The following NF1 variants were observed in gnomAD, a reference collection of about 807,000 sequenced individuals.
NF1 encodes the protein neurofibromin.
Under a neutral mutation model 325.7 loss-of-function variants are expected in NF1, and 122 were observed. That is an observed-to-expected ratio of 0.37 (90% confidence interval 0.32 to 0.44). The LOEUF (loss-of-function observed/expected upper bound fraction) is 0.44, where lower values mean the gene tolerates loss of function less well. NF1 is among the 20% of genes least tolerant of loss of function. The pLI, the probability that NF1 is intolerant of heterozygous loss-of-function variation, is 1.00. For missense variants in NF1, 2,140 were observed against 3,415.4 expected (o/e 0.63, Z 9.31); for synonymous variants, 1,091 against 1,186.0 (o/e 0.92, Z 1.65).
At chr17:31,124,799 C>T (rs1194936969) in intron 1 of NF1, among the ~76,000 whole-genome samples, 1 of 151,236 alleles carries the variant, frequency 6.6e-6, no homozygotes, top group Non-Finnish European at 1.5e-5. Context: ...GGCGGTGTTT[C>T]ACTGTGTTAG....
chr17:31,169,656 C>T (rs1379838814), intron 4 of NF1, among the ~76,000 whole-genome samples: 3 of 152,050 alleles, frequency 2.0e-5, no homozygotes, highest in Non-Finnish European at 4.4e-5. Context: ...AGAGATCCTC[C>T]TCCCTTAGCC....
At chr17:31,126,591 G>A (rs1032710610) in intron 1 of NF1, among the ~76,000 whole-genome samples, 1 of 151,938 alleles carries the variant, frequency 6.6e-6, no homozygotes, top group African/African-American at 2.4e-5. Flanking sequence ...ACAGGTACGC[G>A]CCACTGTGCC....
At chr17:31,175,260 A>G (rs770250624) in intron 5 of NF1, among the ~76,000 whole-genome samples, 7 of 151,824 alleles carry the variant, frequency 4.6e-5, no homozygotes, top group Non-Finnish European at 1.0e-4. Flanking sequence ...GTAGAAGTAA[A>G]ACCACCAGAT....
intron 36 of NF1, among the ~76,000 whole-genome samples, chr17:31,275,777 T>C (rs780203341): frequency 1.3e-5 from 2 of 152,226 alleles, no homozygotes; most frequent in Non-Finnish European, 2.9e-5. Flanking sequence ...CTTTATACTT[T>C]GATCAGAGTC....
chr17:31,305,668 G>A (rs768495636), intron 36 of NF1: 2 of 1,529,522 alleles, frequency 1.3e-6, no homozygotes, highest in Non-Finnish European at 1.8e-6. Flanking sequence ...AGACAGTTAG[G>A]CGTCATTGGT....
chr17:31,320,479 A>G (rs201481725), intron 36 of NF1: 7 of 1,528,622 alleles, frequency 4.6e-6, no homozygotes, highest in Admixed American at 3.5e-5. Context: ...TTTATAAGAA[A>G]TGGTTGTTAT....
intron 23 of NF1, 130 bp from the exon 24 acceptor site, chr17:31,230,712 T>C (rs2067098536): frequency 2.6e-6 from 2 of 763,074 alleles, no homozygotes; most frequent in African/African-American, 3.5e-5. Context: ...GTATCTCTTT[T>C]ATAAAGTCGT....
chr17:31,218,951 ATC>A (rs770136299), intron 13 of NF1, 52 bp from the exon 14 acceptor site: 5 of 1,508,362 alleles, frequency 3.3e-6, no homozygotes, highest in Non-Finnish European at 4.5e-6. Context: ...CCTCCTTCTA[ATC>A]TCTCTCGATT....
rs876660271 is a variant in NF1, at chr17:31,343,104, T to C, written c.7158T>C (p.Phe2386=). Residue 2386 remains phenylalanine (F), a synonymous_variant, in exon 48 of 58, where the codon TTT becomes TTC. Coordinates refer to ENST00000358273, the MANE Select transcript of NF1 (RefSeq NM_001042492.3). ...HFVGLNFNSN[F]NFALVGHLLK... ...TTGGACTCAATTTCAACTCTAACTT[T>C]AACTTTGCATTGGTTGGACACCTTT... is the stretch of plus-strand genomic sequence containing the variant. The C allele has an allele frequency of 3.7e-6, 6 of 1,613,962 alleles. No individual in the cohort carries two copies. The highest frequency in any genetic ancestry group is 5.1e-6 in the Non-Finnish European group (6 of 1,179,832).
At chr17:31,362,683 T>C (rs2070426150) in intron 57 of NF1, among the ~76,000 whole-genome samples, 1 of 152,226 alleles carries the variant, frequency 6.6e-6, no homozygotes, top group Admixed American at 6.5e-5. Flanking sequence ...AAAGTCTGCT[T>C]CATCTTAACC....
chr17:31,340,191 C>G, intron 46 of NF1: 4 of 361,058 alleles, frequency 1.1e-5, no homozygotes, highest in Non-Finnish European at 2.1e-5. Context: ...ATGTCATTAG[C>G]AATAAGAAAG....
intron 36 of NF1, among the ~76,000 whole-genome samples, chr17:31,316,408 G>A (rs868086526): frequency 6.6e-6 from 1 of 152,200 alleles, no homozygotes; most frequent in Non-Finnish European, 1.5e-5. Context: ...AAGATAGTGA[G>A]TGGTGAATTT....
intron 36 of NF1, among the ~76,000 whole-genome samples, chr17:31,287,916 CT>C (rs1474937891): frequency 1.7e-5 from 2 of 119,482 alleles, no homozygotes; most frequent in Non-Finnish European, 3.3e-5. Context: ...GAACATCACA[CT>C]CTGGGGACTG....
At chr17:31,167,004 C>G (rs1181505082) in intron 4 of NF1, among the ~76,000 whole-genome samples, 1 of 152,142 alleles carries the variant, frequency 6.6e-6, no homozygotes, top group Non-Finnish European at 1.5e-5. Flanking sequence ...GATAGGTTTT[C>G]TACTGTTCAT....
intron 39 of NF1, among the ~76,000 whole-genome samples, chr17:31,333,449 C>T (rs145334746): frequency 3.3e-5 from 5 of 152,138 alleles, no homozygotes; most frequent in Non-Finnish European, 7.3e-5. Context: ...CAGATCTAGA[C>T]ATAGAACATT....
At chr17:31,209,727 C>T (rs1165640038) in intron 12 of NF1, among the ~76,000 whole-genome samples, 2 of 152,106 alleles carry the variant, frequency 1.3e-5, no homozygotes, top group Non-Finnish European at 2.9e-5. Context: ...AATCTTGGCT[C>T]ACTCCAACCT....
intron 1 of NF1, among the ~76,000 whole-genome samples, chr17:31,148,340 G>A (rs746105175): frequency 1.3e-5 from 2 of 149,546 alleles, no homozygotes; most frequent in South Asian, 2.1e-4. Flanking sequence ...TGGCTTGACC[G>A]TTATTAGTCA....
intron 11 of NF1, among the ~76,000 whole-genome samples, chr17:31,203,121 T>G (rs1453141784): frequency 1.3e-5 from 2 of 152,218 alleles, no homozygotes; most frequent in African/African-American, 4.8e-5. Context: ...AAGCATGGAC[T>G]TGGCACTGCT....
intron 48 of NF1, 118 bp downstream of exon 48, chr17:31,343,253 A>G (rs1184502213): frequency 3.9e-6 from 4 of 1,031,166 alleles, no homozygotes; most frequent in Admixed American, 4.1e-5. Context: ...CTTACTTTAA[A>G]TGCAAACTAG....
Sources: gnomAD v4.1 joint callset for allele counts (sites outside exome capture counted in the v4.1 genomes callset) on GRCh38, gnomAD v4.1.1 for gene constraint, MANE v1.5 for transcripts, NCBI Gene and HGNC (gene_info 2026-07-23, HGNC 2026-07-21) for gene names.